Variants in UTRN observed in about 807,000 individuals in gnomAD.
UTRN encodes the protein dystrophin-related protein 1.
A neutral mutation model predicts 463.9 loss-of-function variants in UTRN; 283 were observed. That is an observed-to-expected ratio of 0.61 (90% CI 0.55 to 0.67). UTRN has a LOEUF of 0.67. Among genes scored for constraint, UTRN ranks in the 30% least tolerant of loss-of-function variants. The pLI, the probability that UTRN is intolerant of heterozygous loss-of-function variation, is 0.00. For synonymous variants in UTRN, 1,442 were observed against 1,431.5 expected, an observed-to-expected ratio of 1.01 and a Z score of -0.17; for missense variants, 3,922 against 4,084.3, an observed-to-expected ratio of 0.96 and a Z score of 1.08.
chr6:144,348,214 C>T (rs1777775495), intron 2 of UTRN, among the ~76,000 whole-genome samples: 1 of 152,158 alleles, frequency 6.6e-6, no homozygotes. Context: ...CCACACTCAT[C>T]TATTCAGTCA....
intron 51 of UTRN, among the ~76,000 whole-genome samples, chr6:144,627,796 G>GTT (rs34178832): frequency 3.3e-3 from 370 of 112,046 alleles, no homozygotes; most frequent in East Asian, 9.7e-3. Context: ...TTCCTTCTGT[G>GTT]TTTTTTTTTT....
chr6:144,666,659 TG>T (rs1160253937), intron 51 of UTRN, among the ~76,000 whole-genome samples: 1 of 152,246 alleles, frequency 6.6e-6, no homozygotes, highest in Non-Finnish European at 1.5e-5. Flanking sequence ...ATAATGTCTG[TG>T]GATTTCCTTT....
chr6:144,842,280 A>G (rs1781652029), intron 73 of UTRN, among the ~76,000 whole-genome samples: 2 of 152,132 alleles, frequency 1.3e-5, no homozygotes, highest in East Asian at 3.9e-4. Flanking sequence ...GAAAACAGCT[A>G]TTTAAAATAT....
Position 144,299,921 on chromosome 6 carries a change from T to C in UTRN, c.79+8014T>C, listed in dbSNP as rs143356955. ...TTCTAAATAGGTGACATATTTAATATAACTATGCTTGCTTTTGAAATAATT... is the reference window on the plus strand; with the variant it reads ...TTCTAAATAGGTGACATATTTAATACAACTATGCTTGCTTTTGAAATAATT... On this transcript the variant is annotated intron_variant, in intron 2 of 74. Coordinates refer to ENST00000367545, the MANE Select transcript of UTRN (RefSeq NM_007124.3). Among the ~76,000 whole-genome samples the C allele has an allele frequency of 2.6e-3, 395 of 152,246 alleles. 2 individuals are homozygous for C. Among genetic ancestry groups the C allele is most frequent in the African/African-American group, 9.0e-3 (375 of 41,538 alleles).
intron 9 of UTRN, among the ~76,000 whole-genome samples, chr6:144,433,159 A>G (rs372092805): frequency 6.6e-6 from 1 of 151,700 alleles, no homozygotes; most frequent in South Asian, 2.1e-4. Flanking sequence ...ATTCCACAAA[A>G]CCGCCATTGT....
At chr6:144,488,229 AGTAGTTT>A (rs1424061537) in intron 29 of UTRN, among the ~76,000 whole-genome samples, 1 of 152,184 alleles carries the variant, frequency 6.6e-6, no homozygotes, top group African/African-American at 2.4e-5. Context: ...TGCTGTAAAT[AGTAGTTT>A]GATATGTATG....
intron 51 of UTRN, among the ~76,000 whole-genome samples, chr6:144,597,253 G>T (rs1260600400): frequency 8.0e-6 from 1 of 125,126 alleles, no homozygotes; most frequent in Non-Finnish European, 1.7e-5. Context: ...AAAAAAAAAA[G>T]TGCCTTAACT....
chr6:144,725,471 A>G (rs1382200021), intron 53 of UTRN, among the ~76,000 whole-genome samples: 3 of 152,222 alleles, frequency 2.0e-5, no homozygotes. Context: ...TATTATCTGG[A>G]ACAGAACTGT....
intron 13 of UTRN, among the ~76,000 whole-genome samples, chr6:144,441,646 T>C (rs1259130454): frequency 6.6e-6 from 1 of 152,154 alleles, no homozygotes; most frequent in East Asian, 1.9e-4. Context: ...ACAGTGGCCG[T>C]CTTCTCACAG....
intron 3 of UTRN, among the ~76,000 whole-genome samples, chr6:144,405,420 T>C (rs9496964): frequency 0.13 from 20,231 of 152,136 alleles, 3,327 homozygotes; most frequent in African/African-American, 0.38. Flanking sequence ...GTGGCTTAAC[T>C]CTTGCTGAGC....
intron 52 of UTRN, among the ~76,000 whole-genome samples, chr6:144,696,842 C>CTGT (rs1586073306): frequency 6.6e-6 from 1 of 152,134 alleles, no homozygotes; most frequent in East Asian, 1.9e-4. Flanking sequence ...CACACTTACT[C>CTGT]ACACTATTTC....
At chr6:144,824,109 C>G (rs956314686) in intron 66 of UTRN, among the ~76,000 whole-genome samples, 5 of 152,038 alleles carry the variant, frequency 3.3e-5, no homozygotes, top group African/African-American at 1.2e-4. Context: ...AAGATAGTTT[C>G]AGAAACTGGG....
At position 144,291,972 on chromosome 6, in the gene UTRN, A is replaced by G. The variant is rs1469672419; in HGVS notation, c.79+65A>G. On this transcript the variant is annotated intron_variant, in intron 2 of 74. Coordinates refer to ENST00000367545, the MANE Select transcript of UTRN (RefSeq NM_007124.3). ...TATTTAGAAAACCTATGTTTCTTGG[A>G]TTGATTTGCATTGTTCTTGCAAGAA... The G allele has an allele frequency of 5.4e-6, 8 of 1,481,380 alleles. No homozygotes were observed. In the Admixed American group the frequency reaches 1.5e-4, roughly 28 times the overall value. The allele number at this position is 1,481,380 out of a possible 1,614,324, so 91.8% of individuals were successfully genotyped here.
At chr6:144,804,458 A>T (rs1777968712) in intron 65 of UTRN, among the ~76,000 whole-genome samples, 1 of 152,194 alleles carries the variant, frequency 6.6e-6, no homozygotes, top group Admixed American at 6.5e-5. Flanking sequence ...AAAACCAGAC[A>T]CTAGTTAAAG....
chr6:144,715,993 G>A (rs1786401924), intron 53 of UTRN, among the ~76,000 whole-genome samples: 1 of 152,082 alleles, frequency 6.6e-6, no homozygotes, highest in Non-Finnish European at 1.5e-5. Flanking sequence ...AACTGAAATA[G>A]AAGTGTAAGC....
chr6:144,673,385 A>G (rs1781251684), intron 51 of UTRN, among the ~76,000 whole-genome samples: 1 of 151,776 alleles, frequency 6.6e-6, no homozygotes, highest in African/African-American at 2.4e-5. Flanking sequence ...TAATCCTTTT[A>G]TCATTATATA....
At chr6:144,572,412 G>A (rs1003336261) in intron 50 of UTRN, among the ~76,000 whole-genome samples, 23 of 151,812 alleles carry the variant, frequency 1.5e-4, no homozygotes, top group African/African-American at 5.6e-4. Context: ...TTAAGTTCTG[G>A]GATACATGTG....
At position 144,287,658 on chromosome 6, in the gene UTRN, T is replaced by C. The variant is rs77837757; in HGVS notation, c.-93+1837T>C. On this transcript the variant is annotated intron_variant, in intron 1 of 74. Coordinates refer to ENST00000367545, the MANE Select transcript of UTRN (RefSeq NM_007124.3). Reference sequence around the variant, plus strand: ...AAAATTGAAACATTAGTTTTGTCTTTAAGGCTGTCACCTTATGTTTATTTT... The same window carrying C: ...AAAATTGAAACATTAGTTTTGTCTTCAAGGCTGTCACCTTATGTTTATTTT... Among the ~76,000 whole-genome samples the C allele has an allele frequency of 8.5e-3, 1,291 of 152,372 alleles. 79 individuals carry two copies. In the East Asian group the frequency reaches 0.16, roughly 19 times the overall value.
At chr6:144,552,044 CT>C (rs1798967841) in intron 48 of UTRN, among the ~76,000 whole-genome samples, 1 of 152,144 alleles carries the variant, frequency 6.6e-6, no homozygotes, top group Non-Finnish European at 1.5e-5. Context: ...TTGTCTCTCT[CT>C]TCCATAGATT....
Sources: gnomAD v4.1 joint callset for allele counts (sites outside exome capture counted in the v4.1 genomes callset) on GRCh38, gnomAD v4.1.1 for gene constraint, MANE v1.5 for transcripts, NCBI Gene and HGNC (gene_info 2026-07-23, HGNC 2026-07-21) for gene names.